The following NISCH variants were observed in gnomAD, a reference collection of about 807,000 sequenced individuals.
The protein encoded by NISCH is nischarin, also known as I-1 receptor candidate protein.
Under a neutral mutation model 138.4 loss-of-function variants are expected in NISCH, and 55 were observed. The ratio of observed to expected loss-of-function variants is 0.40; its 90% CI spans 0.32 to 0.50. The LOEUF (loss-of-function observed/expected upper bound fraction) is 0.50. Among genes scored for constraint, NISCH ranks in the 20% least tolerant of loss-of-function variants. The pLI, the probability that NISCH is intolerant of heterozygous loss-of-function variation, is 0.71. For synonymous variants in NISCH, 860 were observed against 861.5 expected, an observed-to-expected ratio of 1.00 and a Z score of 0.03; for missense variants, 1,643 against 2,005.5, an observed-to-expected ratio of 0.82 and a Z score of 3.45.
chr3:52,488,489 C>T lies in NISCH; in HGVS notation c.2997C>T (p.Asn999=). 1 of 1,613,470 alleles carries T rather than the reference C, an allele frequency of 6.2e-7. No individual in the cohort carries two copies. Among genetic ancestry groups the T allele is most frequent in the Non-Finnish European group, 8.5e-7 (1 of 1,180,012 alleles). Residue 999 remains asparagine (N), a synonymous_variant, in exon 16 of 21, where the codon AAC becomes AAT. Transcript: ENST00000345716. The part of the protein sequence containing the change: ...HEKFHFLRVY[N]QLRASLQDLK... ...AGTTCCACTTCCTGCGCGTCTACAA[C>T]CAGCTGCGGGCCTCGCTGCAGGACC... is the stretch of plus-strand genomic sequence containing the variant.
chr3:52,461,353 C>T (rs944821027), intron 3 of NISCH, among the ~76,000 whole-genome samples: 1 of 152,182 alleles, frequency 6.6e-6, no homozygotes, highest in Non-Finnish European at 1.5e-5. Flanking sequence ...TAACCTGGGG[C>T]CACTGAGCTT....
rs532326550 is a variant in NISCH, at chr3:52,488,043, C to T, written c.2551C>T (p.Arg851Cys). Residue 851 changes from arginine to cysteine, a missense_variant, in exon 16 of 21, where the codon CGC becomes TGC. Physicochemically the swap from Arg to Cys is radical, Grantham distance 180. Transcript: ENST00000345716. The stretch of plus-strand genomic sequence containing the variant: ...CAAGGTGGCTGGCGGCTGCCAGGAG[C>T]GCAGCCAGGGCTGCTTCCCCGTCTA... ...FYKVAGGCQE[R>C]SQGCFPVYLV... 51 of 1,612,628 alleles carry T rather than the reference C, an allele frequency of 3.2e-5. No individual in the cohort carries two copies. Among genetic ancestry groups the T allele is most frequent in the African/African-American group, 5.3e-5 (4 of 75,018 alleles).
At chr3:52,484,462 T>TCCA in intron 13 of NISCH, 51 bp from the exon 14 acceptor site, 1 of 788,670 alleles carries the variant, frequency 1.3e-6, no homozygotes. Flanking sequence ...ACAGCCGCTC[T>TCCA]CCCCGCCCCA....
intron 3 of NISCH, among the ~76,000 whole-genome samples, chr3:52,468,756 A>G (rs1162418672): frequency 2.6e-5 from 4 of 152,158 alleles, no homozygotes; most frequent in African/African-American, 9.7e-5. Context: ...TCCACGGGAT[A>G]CAGGGAGGAG....
At chr3:52,483,425 C>A (rs1303644824) in intron 13 of NISCH, among the ~76,000 whole-genome samples, 1 of 152,224 alleles carries the variant, frequency 6.6e-6, no homozygotes, top group African/African-American at 2.4e-5. Flanking sequence ...GTTCACCCTG[C>A]TGGCGGCAGT....
rs1422030169 is a variant in NISCH, at chr3:52,478,097, C to T, written c.988C>T (p.His330Tyr). Residue 330 changes from histidine (H) to tyrosine (Y), a missense_variant and splice_region_variant, in exon 10 of 21, where the codon CAC becomes TAC. Transcript: ENST00000345716. The stretch of plus-strand genomic sequence containing the variant: ...TACGCTGTTCTCCACGCCGCTGCAG[C>T]ACCTGTATAACCTTGTGCATCTGGA... ...NGLLVVDNLQ[H>Y]LYNLVHLDLS... 6.2e-7 allele frequency: 1 copy of T among 1,613,602 alleles called. No homozygotes were observed.
At chr3:52,482,693 G>T (rs1031887231) in intron 13 of NISCH, among the ~76,000 whole-genome samples, 1 of 152,202 alleles carries the variant, frequency 6.6e-6, no homozygotes, top group South Asian at 2.1e-4. Context: ...AGATGGAGTC[G>T]TGGAAAACCC....
At position 52,492,465 on chromosome 3, in the gene NISCH, G is replaced by A. The variant is rs1196652118; in HGVS notation, c.4498G>A (p.Val1500Ile). Residue 1500 changes from valine to isoleucine, a missense_variant, in exon 21 of 21, where the codon GTC (valine) becomes ATC (isoleucine). By Grantham distance (29) the Val-to-Ile change is conservative. Coordinates refer to ENST00000345716, the MANE Select transcript of NISCH (RefSeq NM_007184.4). The part of the protein sequence containing the change: ...WEALCGRELP[V>I]ELTG ...GGCCCTGTGTGGCCGTGAGCTGCCT[G>A]TCGAGCTCACCGGCTAGCCCAGGCC... 3.7e-6 allele frequency: 6 copies of A among 1,604,238 alleles called. No individual in the cohort carries two copies. The highest frequency in any genetic ancestry group is 5.1e-6 in the Non-Finnish European group (6 of 1,175,572).
chr3:52,474,670 G>C (rs915801744), intron 7 of NISCH, among the ~76,000 whole-genome samples: 1 of 152,064 alleles, frequency 6.6e-6, no homozygotes, highest in Admixed American at 6.6e-5. Context: ...GACCTCAAGT[G>C]ATCCACCAGC....
chr3:52,487,851 A>G lies in NISCH; in HGVS notation c.2359A>G (p.Ser787Gly), dbSNP rs1045884544. The G allele has an allele frequency of 1.9e-6, 3 of 1,612,048 alleles. No homozygotes were observed. The highest frequency in any genetic ancestry group is 1.6e-4 in the Middle Eastern group (1 of 6,084). ...GTGTCTGGTGCTCAAGGTACGGCAC[A>G]GTGAGAACACGCTCTTCATTATCTC... ...ELCLVLKVRHSENTLFIISDA... is the reference protein window; with the variant it reads ...ELCLVLKVRHGENTLFIISDA... Residue 787 changes from serine to glycine, a missense_variant, in exon 16 of 21, where the codon AGT (serine) becomes GGT (glycine). Coordinates refer to ENST00000345716, the MANE Select transcript of NISCH (RefSeq NM_007184.4). This position sits in a 1 kb window ranked among gnomAD's most constrained non-coding sequence, Gnocchi z 9.1.
At position 52,455,764 on chromosome 3, in the gene NISCH, G is replaced by A. The variant is rs754478959; in HGVS notation, c.93+30G>A. The A allele has an allele frequency of 4.5e-6, 6 of 1,329,254 alleles. No individual in the cohort carries two copies. In the East Asian group the frequency reaches 1.7e-4, roughly 38 times the overall value. 82.3% of individuals were successfully genotyped at this position (1,329,254 alleles called of 1,614,324 possible). Reference sequence around the variant, plus strand: ...GTTGGGGGCGCGGGCACCCGAAGCGGGGGTGGTGGCTGGAACCGGGAGTCC... The same window carrying A: ...GTTGGGGGCGCGGGCACCCGAAGCGAGGGTGGTGGCTGGAACCGGGAGTCC... On this transcript the variant is annotated intron_variant, in intron 1 of 20. Transcript: ENST00000345716.
In NISCH at chr3:52,491,514, G is replaced by A. The variant is rs753014788; in HGVS notation, c.3904+1G>A. ...TCCGAGTTTGGGAACAAGACCACAG[G>A]TACCCCTGTCTAGCTCAGGCTGCAG... On this transcript the variant is annotated splice_donor_variant, in intron 20 of 20. Transcript: ENST00000345716. LOFTEE classifies it high-confidence loss of function. 1 of 1,610,772 alleles carries A rather than the reference G, an allele frequency of 6.2e-7. No individual in the cohort carries two copies. Among genetic ancestry groups the A allele is most frequent in the Non-Finnish European group, 8.5e-7 (1 of 1,178,440 alleles).
At position 52,487,652 on chromosome 3, in the gene NISCH, C is replaced by T. The variant is rs779584324; in HGVS notation, c.2160C>T (p.Gly720=). 4 of 1,613,844 alleles carry T rather than the reference C, an allele frequency of 2.5e-6. No homozygotes were observed. The South Asian group carries it at 4.4e-5, about 18-fold the overall frequency. The change falls in exon 16 of 21, where the codon GGC becomes GGT. Residue 720 remains glycine, a synonymous_variant. Coordinates refer to ENST00000345716, the MANE Select transcript of NISCH (RefSeq NM_007184.4). This position sits in a 1 kb window ranked among gnomAD's most constrained non-coding sequence, Gnocchi z 9.1. ...GGTGCTTCCTGATCCATGTGCAGGG[C>T]AGTATCCGCCAGTTCGCCGCCTGCC... ...VLWCFLIHVQ[G]SIRQFAACLV...
rs149666347 is a variant in NISCH, at chr3:52,481,703, G to A, written c.1528+1408G>A. On this transcript the variant is annotated intron_variant, in intron 13 of 20. Transcript: ENST00000345716. ...AGTGAAGAGCAGGCCCTGGATGGGT[G>A]GGGATGCACCATGTCCCCAGGCTGC... The A allele has an allele frequency of 9.3e-5, 92 of 985,558 alleles. No homozygotes were observed. The East Asian group carries it at 8.5e-3, about 91-fold the overall frequency. 61.1% of individuals were successfully genotyped at this position (985,558 alleles called of 1,614,324 possible). A position where few individuals can be genotyped will look rare whatever the true frequency, so the allele number is the denominator to read the frequency against.
intron 17 of NISCH, 169 bp downstream of exon 17, chr3:52,489,847 C>T: frequency 7.7e-7 from 1 of 1,303,352 alleles, no homozygotes; most frequent in Non-Finnish European, 1.0e-6. Context: ...GTTGCCCTCC[C>T]CTGGCCATTT....
rs778705130 is a variant in NISCH at position 52,487,701 on chromosome 3, G to A, written c.2209G>A (p.Ala737Thr). 1.1e-5 allele frequency: 18 copies of A among 1,613,504 alleles called. No individual in the cohort carries two copies. Among genetic ancestry groups the A allele is most frequent in the African/African-American group, 4.0e-5 (3 of 74,852 alleles). ...CCTTGTGCTCACCGACTTCGGCATC[G>A]CAGTCTTCGAGATCCCGCACCAGGA... is the stretch of plus-strand genomic sequence containing the variant. ...ACLVLTDFGI[A>T]VFEIPHQESR... Residue 737 changes from alanine to threonine, a missense_variant, in exon 16 of 21, where the codon GCA (alanine) becomes ACA (threonine). Transcript: ENST00000345716. The surrounding 1 kb of genome is among the most constrained non-coding windows in gnomAD (Gnocchi z 9.1).
chr3:52,476,065 G>A (rs757782329), intron 7 of NISCH, among the ~76,000 whole-genome samples: 1 of 152,100 alleles, frequency 6.6e-6, no homozygotes, highest in African/African-American at 2.4e-5. Context: ...TTGAGCCTGC[G>A]AGGCAGAGGT....
chr3:52,475,594 C>CT (rs2153231250), intron 7 of NISCH: 1 of 151,100 alleles, frequency 6.6e-6, no homozygotes, highest in South Asian at 2.1e-4. Flanking sequence ...AATCCCAGCA[C>CT]TTTGGGAGGC....
chr3:52,489,058 C>G (rs1224221640), intron 16 of NISCH, among the ~76,000 whole-genome samples: 2 of 152,200 alleles, frequency 1.3e-5, no homozygotes. Context: ...CTGCCTTAGG[C>G]TTCACCCACC....
Sources: gnomAD v4.1 joint callset for allele counts (sites outside exome capture counted in the v4.1 genomes callset) on GRCh38, gnomAD v4.1.1 for gene constraint, Gnocchi (gnomAD v3.1) non-coding constraint, MANE v1.5 for transcripts, NCBI Gene and HGNC (gene_info 2026-07-23, HGNC 2026-07-21) for gene names.